Variants in RIT2 observed in about 807,000 individuals in gnomAD.
The protein encoded by RIT2 is Ras like without CAAX 2.
Under a neutral mutation model 23.7 loss-of-function variants are expected in RIT2, and 24 were observed. The ratio of observed to expected loss-of-function variants is 1.01; its 90% CI spans 0.73 to 1.43. The LOEUF (loss-of-function observed/expected upper bound fraction) is 1.43. Ranked by LOEUF, RIT2 falls within the 40% of genes most tolerant of loss-of-function variation. The pLI, the probability that RIT2 is intolerant of heterozygous loss-of-function variation, is 0.00. For synonymous variants in RIT2, 107 were observed against 91.1 expected (o/e 1.17, Z -0.99); for missense variants, 236 against 266.9 (o/e 0.88, Z 0.81).
At chr18:43,021,878 A>G (rs113643938) in intron 2 of RIT2, among the ~76,000 whole-genome samples, 5,695 of 152,216 alleles carry the variant, frequency 0.037, 158 homozygotes, top group Middle Eastern at 0.13. Context: ...ACATACAACC[A>G]TTATGGAAAA....
At chr18:42,866,940 G>A (rs1024702227) in intron 4 of RIT2, among the ~76,000 whole-genome samples, 3 of 152,082 alleles carry the variant, frequency 2.0e-5, no homozygotes, top group Non-Finnish European at 4.4e-5. Flanking sequence ...TCACCAAAGG[G>A]CACTTACTAA....
chr18:42,990,009 A>ATGTGTGTGTGTGTG (rs5824463), intron 2 of RIT2, among the ~76,000 whole-genome samples: 2 of 148,794 alleles, frequency 1.3e-5, no homozygotes, highest in African/African-American at 5.0e-5. Flanking sequence ...ATTTACAGAT[A>ATGTGTGTGTGTGTG]TGTGTGTGTG....
At chr18:43,104,849 A>G (rs140256834) in intron 1 of RIT2, among the ~76,000 whole-genome samples, 50 of 152,292 alleles carry the variant, frequency 3.3e-4, no homozygotes, top group African/African-American at 1.2e-3. Context: ...GTAGCTTATT[A>G]TTAGCTTTTC....
intron 1 of RIT2, among the ~76,000 whole-genome samples, chr18:43,081,277 T>C (rs1913151334): frequency 6.6e-6 from 1 of 152,172 alleles, no homozygotes; most frequent in African/African-American, 2.4e-5. Flanking sequence ...GTTACAACAC[T>C]TTATAATTTA....
At chr18:42,836,293 C>T (rs1034571660) in intron 4 of RIT2, among the ~76,000 whole-genome samples, 8 of 151,934 alleles carry the variant, frequency 5.3e-5, no homozygotes, top group East Asian at 3.9e-4. Context: ...CAATAGATTC[C>T]GTATCTATTT....
At chr18:42,836,138 ACAAACTTTAAT>A (rs1354090302) in intron 4 of RIT2, among the ~76,000 whole-genome samples, 2 of 152,222 alleles carry the variant, frequency 1.3e-5, no homozygotes, top group African/African-American at 4.8e-5. Flanking sequence ...CAAATGTGAC[ACAAACTTTAAT>A]CAAACCAAAC....
intron 2 of RIT2, among the ~76,000 whole-genome samples, chr18:43,005,803 A>T (rs1238985662): frequency 6.6e-6 from 1 of 151,824 alleles, no homozygotes; most frequent in Non-Finnish European, 1.5e-5. Context: ...GAGAAAACAG[A>T]AACAGAGGTA....
intron 4 of RIT2, among the ~76,000 whole-genome samples, chr18:42,772,042 G>C (rs962423315): frequency 6.6e-6 from 1 of 152,102 alleles, no homozygotes; most frequent in African/African-American, 2.4e-5. Context: ...TGGCAAGAAG[G>C]GGGTTAGTCA....
intron 4 of RIT2, among the ~76,000 whole-genome samples, chr18:42,867,597 G>A (rs1247323448): frequency 1.3e-5 from 2 of 150,672 alleles, no homozygotes; most frequent in Non-Finnish European, 2.9e-5. Flanking sequence ...ACCAGCCTAG[G>A]CAACATAACG....
At chr18:42,961,596 A>G (rs191617794) in intron 3 of RIT2, among the ~76,000 whole-genome samples, 244 of 152,304 alleles carry the variant, frequency 1.6e-3, no homozygotes, top group African/African-American at 5.4e-3. Context: ...CAAGTCAAGA[A>G]AACAGCTGTG....
At chr18:42,770,798 A>G (rs1913533749) in intron 4 of RIT2, among the ~76,000 whole-genome samples, 1 of 151,774 alleles carries the variant, frequency 6.6e-6, no homozygotes, top group Non-Finnish European at 1.5e-5. Context: ...AAAAAAAAAA[A>G]GAATAAAGAA....
rs192022150 is a variant in RIT2 at position 43,055,292 on chromosome 18, G to T, written c.104-21425C>A. On this transcript the variant is annotated intron_variant, in intron 1 of 4. Coordinates refer to ENST00000326695, the MANE Select transcript of RIT2 (RefSeq NM_002930.4). ...TAATTCTCTCAGCGCTCCCCATGGG[G>T]TCTCCTCCAGAGACGTGGCCTCTGG... Among the ~76,000 whole-genome samples the T allele has an allele frequency of 1.6e-3, 247 of 152,186 alleles. 1 individual carries two copies. The highest frequency in any genetic ancestry group is 5.6e-3 in the African/African-American group (231 of 41,546).
At chr18:42,905,627 C>T (rs1165188938) in intron 4 of RIT2, among the ~76,000 whole-genome samples, 1 of 152,226 alleles carries the variant, frequency 6.6e-6, no homozygotes, top group East Asian at 1.9e-4. Flanking sequence ...TGCCCACCAC[C>T]ATGCCTGGCT....
chr18:43,051,231 A>T (rs1912374747), intron 1 of RIT2, among the ~76,000 whole-genome samples: 1 of 152,142 alleles, frequency 6.6e-6, no homozygotes, highest in Non-Finnish European at 1.5e-5. Flanking sequence ...TGGCCACAGA[A>T]GTCTTCCATG....
intron 2 of RIT2, among the ~76,000 whole-genome samples, chr18:42,998,657 T>C (rs1056769344): frequency 1.3e-5 from 2 of 152,040 alleles, no homozygotes; most frequent in African/African-American, 2.4e-5. Flanking sequence ...TAATATTCAA[T>C]GTCTCAAGAA....
intron 1 of RIT2, among the ~76,000 whole-genome samples, chr18:43,111,600 C>A (rs999689023): frequency 6.6e-6 from 1 of 152,040 alleles, no homozygotes; most frequent in Admixed American, 6.6e-5. Context: ...CTACTATGTA[C>A]AAATAAACAT....
intron 4 of RIT2, among the ~76,000 whole-genome samples, chr18:42,903,569 CA>C (rs1908534237): frequency 6.6e-6 from 1 of 151,938 alleles, no homozygotes; most frequent in South Asian, 2.1e-4. Flanking sequence ...CATTTATTTA[CA>C]AAAATATAAA....
intron 2 of RIT2, among the ~76,000 whole-genome samples, chr18:43,020,340 C>T (rs761922874): frequency 5.9e-5 from 9 of 151,932 alleles, no homozygotes; most frequent in Non-Finnish European, 1.2e-4. Context: ...CAAAAATTAG[C>T]TAGGCATGGT....
intron 4 of RIT2, among the ~76,000 whole-genome samples, chr18:42,847,037 C>G (rs145277186): frequency 2.4e-4 from 37 of 152,042 alleles, no homozygotes; most frequent in Non-Finnish European, 4.4e-4. Flanking sequence ...GCCTCTTTCT[C>G]CTCCAAATTC....
Sources: allele counts gnomAD v4.1 joint callset (sites outside exome capture counted in the v4.1 genomes callset), GRCh38; gene constraint gnomAD v4.1.1; transcripts MANE v1.5; gene names NCBI Gene and HGNC (gene_info 2026-07-23, HGNC 2026-07-21).